The following UVRAG variants were observed in gnomAD, a reference collection of about 807,000 sequenced individuals.
UVRAG encodes UV radiation resistance associated.
UVRAG carries 19 observed loss-of-function variants against 78.0 expected under a neutral mutation model. That is an observed-to-expected ratio of 0.24 (90% CI 0.17 to 0.36). The LOEUF is 0.36. Ranked by LOEUF, UVRAG falls within the 10% of genes least tolerant of loss-of-function variation. UVRAG has a pLI of 1.00. For missense variants in UVRAG, 740 were observed against 853.8 expected (o/e 0.87, Z 1.66); for synonymous variants, 323 against 324.6 (o/e 1.00, Z 0.05).
intron 14 of UVRAG, among the ~76,000 whole-genome samples, chr11:76,129,829 T>C (rs1006558074): frequency 1.3e-5 from 2 of 152,096 alleles, no homozygotes; most frequent in African/African-American, 4.8e-5. Context: ...CATTCTGCTC[T>C]CCCAACTGCA....
intron 5 of UVRAG, among the ~76,000 whole-genome samples, chr11:75,889,588 C>T (rs1947172908): frequency 6.6e-6 from 1 of 152,250 alleles, no homozygotes; most frequent in Non-Finnish European, 1.5e-5. Context: ...TTCTACCCAA[C>T]AACCCTGTGC....
chr11:76,094,728 C>T (rs1008305268), intron 13 of UVRAG, among the ~76,000 whole-genome samples: 50 of 151,868 alleles, frequency 3.3e-4, no homozygotes, highest in African/African-American at 1.1e-3. Flanking sequence ...TTTTTTATTG[C>T]ATCTATTTGT....
chr11:76,006,319 A>T (rs1949936875), intron 9 of UVRAG, among the ~76,000 whole-genome samples: 1 of 152,112 alleles, frequency 6.6e-6, no homozygotes, highest in Admixed American at 6.5e-5. Context: ...CAGGCAACTT[A>T]CTTTACAGGT....
chr11:76,130,752 C>T (rs1225448758), intron 14 of UVRAG, among the ~76,000 whole-genome samples: 1 of 152,156 alleles, frequency 6.6e-6, no homozygotes, highest in Admixed American at 6.5e-5. Flanking sequence ...CTCACAGATT[C>T]TGTCACTGGC....
At chr11:75,974,165 C>T (rs1042017747) in intron 7 of UVRAG, among the ~76,000 whole-genome samples, 1 of 152,088 alleles carries the variant, frequency 6.6e-6, no homozygotes, top group Non-Finnish European at 1.5e-5. Flanking sequence ...TTTACAGTCC[C>T]ACCAACAGTG....
intron 6 of UVRAG, chr11:75,915,032 T>C (rs912527417): frequency 6.6e-6 from 1 of 151,868 alleles, no homozygotes; most frequent in African/African-American, 2.4e-5. Context: ...TTGCCTGAGG[T>C]CAGGAGTTTG....
intron 12 of UVRAG, among the ~76,000 whole-genome samples, chr11:76,061,657 A>G (rs1951097689): frequency 6.6e-6 from 1 of 152,070 alleles, no homozygotes; most frequent in African/African-American, 2.4e-5. Flanking sequence ...CACCTGAGCC[A>G]GCGAGACCAC....
chr11:75,898,029 C>G (rs944918544), intron 5 of UVRAG, among the ~76,000 whole-genome samples: 1 of 151,564 alleles, frequency 6.6e-6, no homozygotes, highest in Non-Finnish European at 1.5e-5. Context: ...CCACCACGCC[C>G]GGCTAATTTT....
chr11:75,856,492 C>T (rs897429139), intron 2 of UVRAG, among the ~76,000 whole-genome samples: 1 of 151,994 alleles, frequency 6.6e-6, no homozygotes, highest in Non-Finnish European at 1.5e-5. Context: ...ACTCTGTCAA[C>T]CAGGCTGGAG....
chr11:76,025,980 T>C (rs1357658743), intron 12 of UVRAG, among the ~76,000 whole-genome samples: 2 of 152,094 alleles, frequency 1.3e-5, no homozygotes, highest in African/African-American at 4.8e-5. Flanking sequence ...TAGTTTGCAT[T>C]TTACCAAGAG....
intron 1 of UVRAG, among the ~76,000 whole-genome samples, chr11:75,832,329 C>T (rs185716000): frequency 6.6e-6 from 1 of 152,322 alleles, no homozygotes; most frequent in Non-Finnish European, 1.5e-5. Context: ...CGCAGGCCTC[C>T]TGTACTTCTC....
At chr11:75,892,382 TG>T (rs1023801354) in intron 5 of UVRAG, 2 of 985,334 alleles carry the variant, frequency 2.0e-6, no homozygotes, top group African/African-American at 3.5e-5. Flanking sequence ...TGTGGGAACA[TG>T]GGAATGCAGA....
chr11:75,888,173 A>C (rs1947134119), intron 4 of UVRAG, among the ~76,000 whole-genome samples: 1 of 151,792 alleles, frequency 6.6e-6, no homozygotes, highest in Admixed American at 6.6e-5. Flanking sequence ...GTGCTCCCTC[A>C]CCCATGCTGG....
intron 13 of UVRAG, among the ~76,000 whole-genome samples, chr11:76,109,925 T>C (rs76296602): frequency 0.1 from 15,395 of 152,182 alleles, 1,788 homozygotes; most frequent in African/African-American, 0.29. Context: ...TGTATCAGTC[T>C]TTCCATTTCA....
chr11:75,914,677 A>T, intron 6 of UVRAG: 1 of 152,358 alleles, frequency 6.6e-6, no homozygotes, highest in Non-Finnish European at 1.5e-5. Flanking sequence ...TATTTTTAGT[A>T]GAGACGGGGT....
intron 1 of UVRAG, among the ~76,000 whole-genome samples, chr11:75,825,497 T>C (rs1216033553): frequency 6.6e-6 from 1 of 152,188 alleles, no homozygotes; most frequent in Non-Finnish European, 1.5e-5. Context: ...AGTAGACGAG[T>C]ACACACAGAA....
intron 13 of UVRAG, among the ~76,000 whole-genome samples, chr11:76,084,505 A>G (rs1341271497): frequency 6.6e-6 from 1 of 152,124 alleles, no homozygotes; most frequent in Non-Finnish European, 1.5e-5. Flanking sequence ...ACATACTATC[A>G]TTTATTTTTA....
Position 76,141,379 on chromosome 11 carries a change from G to C in UVRAG, c.2066G>C (p.Ser689Thr). ...TATGCACTGAATGAAAACGTATCCA[G>C]CTTCCGCCGGCCGCGCAGGAGTTCC... ...RIYALNENVS[S>T]FRRPRRSSDK The change falls in exon 15 of 15, where the codon AGC becomes ACC. Residue 689 changes from serine (S) to threonine (T), a missense_variant. Transcript: ENST00000356136. The C allele has an allele frequency of 6.2e-7, 1 of 1,613,830 alleles. No individual in the cohort carries two copies. The highest frequency in any genetic ancestry group is 8.5e-7 in the Non-Finnish European group (1 of 1,180,032).
intron 7 of UVRAG, 136 bp downstream of exon 7, chr11:75,961,685 T>C: frequency 1.7e-6 from 1 of 599,786 alleles, no homozygotes; most frequent in Non-Finnish European, 2.7e-6. Context: ...TCTATTGGCA[T>C]TTAAATGTTG....
Sources: gnomAD v4.1 joint callset for allele counts (sites outside exome capture counted in the v4.1 genomes callset) on GRCh38, gnomAD v4.1.1 for gene constraint, MANE v1.5 for transcripts, NCBI Gene and HGNC (gene_info 2026-07-23, HGNC 2026-07-21) for gene names.